Variants in MND1 observed in about 807,000 individuals in gnomAD.
MND1 encodes meiotic nuclear division protein 1 homolog.
Under a neutral mutation model 35.1 loss-of-function variants are expected in MND1, and 28 were observed. That is an observed-to-expected ratio of 0.80 (90% CI 0.59 to 1.09). The LOEUF is 1.09. MND1 is among the 50% of genes least tolerant of loss of function. MND1 has a pLI of 0.00. For synonymous variants in MND1, 69 were observed against 70.5 expected (o/e 0.98, Z 0.11); for missense variants, 213 against 239.6 (o/e 0.89, Z 0.73).
chr4:153,355,757 A>C lies in MND1; in HGVS notation c.127+46A>C, dbSNP rs759259048. ...GGAATGTTTTGGGAAATATACTGGG[A>C]TGTTTTGGGAAATATCTTAATATTC... On this transcript the variant is annotated intron_variant, in intron 3 of 7. Coordinates refer to ENST00000240488, the MANE Select transcript of MND1 (RefSeq NM_032117.4). 10 of 1,171,088 alleles carry C rather than the reference A, an allele frequency of 8.5e-6. No homozygotes were observed. In the East Asian group the frequency reaches 2.4e-4, roughly 28 times the overall value. 72.5% of individuals were successfully genotyped at this position (1,171,088 alleles called of 1,614,324 possible).
intron 2 of MND1, among the ~76,000 whole-genome samples, chr4:153,350,667 T>C (rs1195357559): frequency 6.6e-6 from 1 of 152,190 alleles, no homozygotes; most frequent in African/African-American, 2.4e-5. Context: ...ATCTCCTAAG[T>C]GAAGAGCCAG....
intron 4 of MND1, among the ~76,000 whole-genome samples, chr4:153,382,294 A>G (rs1463836685): frequency 6.6e-6 from 1 of 152,230 alleles, no homozygotes; most frequent in African/African-American, 2.4e-5. Context: ...TTTTAAAGTT[A>G]TATGCATTCA....
chr4:153,403,872 C>A (rs1171548811), intron 6 of MND1, among the ~76,000 whole-genome samples: 2 of 151,786 alleles, frequency 1.3e-5, no homozygotes, highest in Non-Finnish European at 2.9e-5. Flanking sequence ...CTCAAGCAAT[C>A]CTCCTGCCTC....
In MND1 at chr4:153,350,069, GA is replaced by G; in HGVS notation, c.15del (p.Gly6AspfsTer2). ...TGTTAATTTTTTTGCTTTAGTCAAA[GA>G]AAAAAGGACTGAGTGCAGAAGAAAA... is the stretch of plus-strand genomic sequence containing the variant. MSK[K>X]KGLSAEEKRT... On this transcript the variant is annotated frameshift_variant, in exon 2 of 8. Transcript: ENST00000240488. LOFTEE classifies it high-confidence loss of function. 2 of 1,592,602 alleles carry G rather than the reference GA, an allele frequency of 1.3e-6. No homozygotes were observed. The highest frequency in any genetic ancestry group is 1.8e-5 in the Admixed American group (1 of 54,816).
intron 6 of MND1, among the ~76,000 whole-genome samples, chr4:153,405,175 A>T (rs1244208798): frequency 6.6e-6 from 1 of 152,224 alleles, no homozygotes; most frequent in African/African-American, 2.4e-5. Context: ...GATCCAGAAT[A>T]GTCAAAAGAA....
In MND1 at chr4:153,352,746, T is replaced by TAAAA. The variant is rs56770218; in HGVS notation, c.69+2636_69+2639dup. Among the ~76,000 whole-genome samples the TAAAA allele has an allele frequency of 7.0e-5, 8 of 114,966 alleles. No individual in the cohort carries two copies. In the East Asian group the frequency reaches 7.8e-4, roughly 11 times the overall value. The allele number at this position is 114,966 out of a possible 152,430, so 75.4% of individuals were successfully genotyped here. A position where few individuals can be genotyped will look rare whatever the true frequency, so the allele number is the denominator to read the frequency against. On this transcript the variant is annotated intron_variant, in intron 2 of 7. Coordinates refer to ENST00000240488, the MANE Select transcript of MND1 (RefSeq NM_032117.4). ...CAGGTAACAGAGTGAGACCCTATCT[T>TAAAA]AAAAAAAAAAAAAAAAAAAAAACAC...
chr4:153,393,829 TC>T (rs1239632707), intron 4 of MND1, among the ~76,000 whole-genome samples: 1 of 151,202 alleles, frequency 6.6e-6, no homozygotes. Context: ...TTTTTTAAAC[TC>T]TTTTTTTTTT....
chr4:153,371,957 T>C (rs956263320), intron 4 of MND1, among the ~76,000 whole-genome samples: 2 of 152,066 alleles, frequency 1.3e-5, no homozygotes, highest in Non-Finnish European at 2.9e-5. Flanking sequence ...GGGTTATTAA[T>C]TGGCCTAATT....
intron 4 of MND1, among the ~76,000 whole-genome samples, chr4:153,377,391 C>G (rs1561066251): frequency 6.6e-6 from 1 of 152,062 alleles, no homozygotes; most frequent in Non-Finnish European, 1.5e-5. Flanking sequence ...GTGTAGATAA[C>G]TTGAAATGTT....
intron 6 of MND1, among the ~76,000 whole-genome samples, chr4:153,405,417 T>C (rs886619036): frequency 6.6e-5 from 10 of 152,066 alleles, no homozygotes; most frequent in African/African-American, 2.4e-4. Context: ...GTGCCTGTAG[T>C]CCCAGCTACT....
At chr4:153,399,193 T>A (rs1293944996) in intron 6 of MND1, among the ~76,000 whole-genome samples, 1 of 152,192 alleles carries the variant, frequency 6.6e-6, no homozygotes, top group East Asian at 1.9e-4. Flanking sequence ...GTGTGCTACC[T>A]CTTTGCTTAC....
intron 6 of MND1, among the ~76,000 whole-genome samples, chr4:153,406,200 A>C (rs1260877670): frequency 6.6e-6 from 1 of 152,130 alleles, no homozygotes; most frequent in Non-Finnish European, 1.5e-5. Context: ...GACTTCATCA[A>C]AGTTAAAAAG....
chr4:153,380,786 A>G (rs1046217306), intron 4 of MND1, among the ~76,000 whole-genome samples: 3 of 152,134 alleles, frequency 2.0e-5, no homozygotes, highest in Non-Finnish European at 4.4e-5. Context: ...TTGTGGGGGG[A>G]ATAAGGTAAA....
intron 1 of MND1, 149 bp from the exon 2 acceptor site, chr4:153,349,914 TA>T (rs1158405505): frequency 1.8e-6 from 1 of 554,818 alleles, no homozygotes; most frequent in Non-Finnish European, 3.2e-6. Context: ...TGGCAGATAG[TA>T]ATTAAAATGA....
Position 153,394,267 on chromosome 4 carries a change from T to C in MND1, c.282T>C (p.Ser94=). 6.2e-7 allele frequency: 1 copy of C among 1,612,178 alleles called. No individual in the cohort carries two copies. Among genetic ancestry groups the C allele is most frequent in the Non-Finnish European group, 8.5e-7 (1 of 1,178,726 alleles). The change falls in exon 5 of 8, where the codon TCT becomes TCC. Residue 94 remains serine (S), a synonymous_variant. Transcript: ENST00000240488. ...ATTTGTTTTTGATTCTCTAGTTGTCTGAGGGAAGTCAAAAGCATGCAAGCC... is the reference window on the plus strand; with the variant it reads ...ATTTGTTTTTGATTCTCTAGTTGTCCGAGGGAAGTCAAAAGCATGCAAGCC... ...HKLEVLESQL[S]EGSQKHASLQ... is the part of the protein sequence containing the mutation.
chr4:153,395,100 A>G (rs1729162122), intron 5 of MND1, among the ~76,000 whole-genome samples: 1 of 152,252 alleles, frequency 6.6e-6, no homozygotes. Context: ...TTATGCTTTC[A>G]AAGTTATTTC....
chr4:153,408,912 GTA>G (rs10552163), intron 6 of MND1, 57 bp from the exon 7 acceptor site: 31,763 of 299,292 alleles, frequency 0.11, 1,344 homozygotes, highest in African/African-American at 0.28. Flanking sequence ...CATTTTGTGT[GTA>G]TATATATATA....
chr4:153,385,928 C>A (rs1487972357), intron 4 of MND1, among the ~76,000 whole-genome samples: 1 of 151,976 alleles, frequency 6.6e-6, no homozygotes, highest in Non-Finnish European at 1.5e-5. Context: ...ATCCAGAGGG[C>A]AGGGAGAGTT....
At chr4:153,389,893 A>G (rs1006575616) in intron 4 of MND1, among the ~76,000 whole-genome samples, 2 of 152,186 alleles carry the variant, frequency 1.3e-5, no homozygotes, top group African/African-American at 4.8e-5. Flanking sequence ...ACTAATTCTC[A>G]GAAATGTGGT....
Sources: allele counts gnomAD v4.1 joint callset (sites outside exome capture counted in the v4.1 genomes callset), GRCh38; gene constraint gnomAD v4.1.1; transcripts MANE v1.5; gene names NCBI Gene and HGNC (gene_info 2026-07-23, HGNC 2026-07-21).